The following CFI variants were observed in gnomAD, a reference collection of about 807,000 sequenced individuals.
The protein encoded by CFI is complement factor I.
A neutral mutation model predicts 78.8 loss-of-function variants in CFI; 66 were observed. The ratio of observed to expected loss-of-function variants is 0.84; its 90% CI spans 0.69 to 1.03. CFI has a LOEUF of 1.03. Among genes scored for constraint, CFI ranks in the 50% least tolerant of loss-of-function variants. The probability of loss-of-function intolerance (pLI) is 0.00; values close to 1 mark genes in which losing one functional copy is unlikely to be tolerated. For missense variants in CFI, 706 were observed against 704.5 expected, an observed-to-expected ratio of 1.00 and a Z score of -0.02; for synonymous variants, 250 against 232.6, an observed-to-expected ratio of 1.07 and a Z score of -0.68.
At chr4:109,764,155 T>C (rs1173793080) in intron 3 of CFI, among the ~76,000 whole-genome samples, 1 of 151,238 alleles carries the variant, frequency 6.6e-6, no homozygotes, top group Non-Finnish European at 1.5e-5. Flanking sequence ...ACTCACTGTA[T>C]AGTTTATAGT....
chr4:109,761,545 A>G lies in CFI; in HGVS notation c.630T>C (p.Ala210=). ...KRRTMGYQDF[A]DVVCYTQKAD... ...CTTTCTGTGTATAACAAACCACATC[A>G]GCGAAATCCTGGTAACCCATAGTTC... Residue 210 remains alanine, a synonymous_variant, in exon 4 of 13, where the codon GCT becomes GCC. Transcript: ENST00000394634. 6.2e-7 allele frequency: 1 copy of G among 1,614,178 alleles called. No homozygotes were observed. Among genetic ancestry groups the G allele is most frequent in the Non-Finnish European group, 8.5e-7 (1 of 1,180,024 alleles).
chr4:109,745,733 T>C (rs1169381246), intron 11 of CFI, among the ~76,000 whole-genome samples: 1 of 152,116 alleles, frequency 6.6e-6, no homozygotes, highest in Non-Finnish European at 1.5e-5. Flanking sequence ...CGATTCAACA[T>C]ACACCAAGGC....
intron 10 of CFI, among the ~76,000 whole-genome samples, chr4:109,748,579 G>A (rs1281230393): frequency 6.6e-6 from 1 of 152,150 alleles, no homozygotes; most frequent in East Asian, 1.9e-4. Flanking sequence ...GTAGGGAAAA[G>A]GGTAAGGAAG....
intron 6 of CFI, among the ~76,000 whole-genome samples, chr4:109,758,705 C>G (rs1393329285): frequency 6.6e-6 from 1 of 152,192 alleles, no homozygotes; most frequent in Non-Finnish European, 1.5e-5. Context: ...ACACACCAAG[C>G]TGATCAAGTA....
intron 1 of CFI, among the ~76,000 whole-genome samples, chr4:109,794,578 G>C (rs187119096): frequency 6.2e-4 from 94 of 152,116 alleles, no homozygotes; most frequent in Non-Finnish European, 1.1e-3. Context: ...GATCACTTGA[G>C]GTTCAGGAGT....
intron 8 of CFI, among the ~76,000 whole-genome samples, chr4:109,750,297 T>C (rs1724992280): frequency 6.6e-6 from 1 of 152,078 alleles, no homozygotes; most frequent in South Asian, 2.1e-4. Context: ...CGCCCAGCCA[T>C]AGTTTTTATT....
intron 1 of CFI, among the ~76,000 whole-genome samples, chr4:109,799,584 A>G (rs947726983): frequency 1.3e-5 from 2 of 152,320 alleles, no homozygotes; most frequent in South Asian, 4.1e-4. Flanking sequence ...TTGTAAGTGG[A>G]AAGGCCACTT....
downstream of CFI, among the ~76,000 whole-genome samples, chr4:109,737,954 C>T (rs758660037): frequency 2.0e-5 from 3 of 152,052 alleles, no homozygotes; most frequent in Non-Finnish European, 4.4e-5. Flanking sequence ...GGCTGACTTT[C>T]ACCCTTCAAG....
chr4:109,746,609 C>T (rs1449169779), intron 10 of CFI, 107 bp from the exon 11 acceptor site: 2 of 971,096 alleles, frequency 2.1e-6, no homozygotes, highest in Non-Finnish European at 3.0e-6. Flanking sequence ...TTTTCATTTC[C>T]CCAGAATTTT....
At chr4:109,767,048 T>A (rs1727857535) in intron 1 of CFI, among the ~76,000 whole-genome samples, 1 of 152,202 alleles carries the variant, frequency 6.6e-6, no homozygotes, top group Non-Finnish European at 1.5e-5. Context: ...CCCTATTTGA[T>A]AAATGGTGCT....
chr4:109,787,323 G>T (rs1008814830), intron 1 of CFI, among the ~76,000 whole-genome samples: 22 of 152,072 alleles, frequency 1.4e-4, no homozygotes, highest in African/African-American at 2.4e-4. Context: ...CCTTTCCATT[G>T]AAAGAGTTTT....
In CFI at chr4:109,764,667, G is replaced by A; in HGVS notation, c.352C>T (p.His118Tyr). 1 of 1,613,808 alleles carries A rather than the reference G, an allele frequency of 6.2e-7. No homozygotes were observed. The highest frequency in any genetic ancestry group is 1.1e-5 in the South Asian group (1 of 91,066). The change falls in exon 3 of 13, where the codon CAT (histidine) becomes TAT (tyrosine). Residue 118 changes from histidine to tyrosine, a missense_variant. His to Tyr is a moderately conservative substitution (Grantham distance 83). Transcript: ENST00000394634. ...AEGKFSVSLK[H>Y]GNTDSEGIVE... is the part of the protein sequence containing the mutation. ...ATTCCCTCTGAATCTGTATTTCCAT[G>A]CTTCAAGGAAACACTAAACTTTCCT...
chr4:109,760,136 C>T, intron 6 of CFI, 134 bp downstream of exon 6: 1 of 719,418 alleles, frequency 1.4e-6, no homozygotes, highest in East Asian at 2.6e-5. Context: ...TTCCATAGTT[C>T]TGCAAATGCC....
At chr4:109,797,471 T>G (rs1732200158) in intron 1 of CFI, among the ~76,000 whole-genome samples, 1 of 152,140 alleles carries the variant, frequency 6.6e-6, no homozygotes, top group South Asian at 2.1e-4. Flanking sequence ...TCATAAAACT[T>G]TTAGAATAAA....
At chr4:109,774,483 T>C (rs1338034243) in intron 1 of CFI, among the ~76,000 whole-genome samples, 3 of 152,100 alleles carry the variant, frequency 2.0e-5, no homozygotes, top group Non-Finnish European at 2.9e-5. Context: ...GGGAAGTGTA[T>C]GTGGTACATT....
At chr4:109,731,515 A>G in the CFI span, among the ~76,000 whole-genome samples, 23 of 152,198 alleles carry the variant, frequency 1.5e-4, no homozygotes, top group Non-Finnish European at 2.9e-5. Context: ...AGTGCTTACT[A>G]TGTGCCAGGC....
At chr4:109,797,761 A>G (rs1732246057) in intron 1 of CFI, among the ~76,000 whole-genome samples, 1 of 152,230 alleles carries the variant, frequency 6.6e-6, no homozygotes, top group Admixed American at 6.5e-5. Context: ...AAGGAGCTGA[A>G]TAGACATTTC....
intron 7 of CFI, among the ~76,000 whole-genome samples, chr4:109,755,558 G>A (rs1354974892): frequency 6.6e-6 from 1 of 152,078 alleles, no homozygotes; most frequent in African/African-American, 2.4e-5. Context: ...TGGGTTAGCT[G>A]TAGTGAGAGT....
intron 2 of CFI, among the ~76,000 whole-genome samples, chr4:109,765,212 C>A (rs1727580188): frequency 6.6e-6 from 1 of 152,206 alleles, no homozygotes; most frequent in Non-Finnish European, 1.5e-5. Flanking sequence ...AAACAGGGAG[C>A]TTTTCCCCTC....
Sources: gnomAD v4.1 joint callset for allele counts (sites outside exome capture counted in the v4.1 genomes callset) on GRCh38, gnomAD v4.1.1 for gene constraint, MANE v1.5 for transcripts, NCBI Gene and HGNC (gene_info 2026-07-23, HGNC 2026-07-21) for gene names.